Variants in WIPI1 observed in about 807,000 individuals in gnomAD.
The protein encoded by WIPI1 is WD repeat domain, phosphoinositide interacting 1.
Under a neutral mutation model 55.3 loss-of-function variants are expected in WIPI1, and 45 were observed. The observed-to-expected ratio is 0.81, with a 90% confidence interval of 0.64 to 1.04. The LOEUF (loss-of-function observed/expected upper bound fraction) is 1.04. Ranked by LOEUF, WIPI1 falls within the 50% of genes least tolerant of loss-of-function variation. The pLI is 0.00. For missense variants in WIPI1, 445 were observed against 559.0 expected (o/e 0.80, Z 2.06); for synonymous variants, 195 against 217.6 (o/e 0.90, Z 0.92).
At chr17:68,443,786 G>A (rs967627996) in intron 4 of WIPI1, among the ~76,000 whole-genome samples, 5 of 152,210 alleles carry the variant, frequency 3.3e-5, no homozygotes, top group Non-Finnish European at 7.3e-5. Flanking sequence ...AATATAATCT[G>A]CAAATATTAA....
At chr17:68,441,602 T>C (rs1314881294) in intron 4 of WIPI1, among the ~76,000 whole-genome samples, 1 of 152,182 alleles carries the variant, frequency 6.6e-6, no homozygotes, top group Non-Finnish European at 1.5e-5. Flanking sequence ...GACCTGGTCA[T>C]GTCACTGAAG....
At position 68,426,253 on chromosome 17, in the gene WIPI1, G is replaced by GGGGGGGGGGGGT; in HGVS notation, c.1193-79_1193-78insACCCCCCCCCCC. 7.1e-6 allele frequency: 6 copies of GGGGGGGGGGGGT among 841,014 alleles called. 1 individual carries two copies. The highest frequency in any genetic ancestry group is 3.4e-5 in the East Asian group (1 of 29,608). The allele number at this position is 841,014 out of a possible 1,614,324, so 52.1% of individuals were successfully genotyped here. A position where few individuals can be genotyped will look rare whatever the true frequency, so the allele number is the denominator to read the frequency against. ...CATGACCTGGCGGGTGGGGAGCGGG[G>GGGGGGGGGGGGT]GCTCAAATAAAGGGCAAAGGAAGCA... On this transcript the variant is annotated intron_variant, in intron 11 of 12. Coordinates refer to ENST00000262139, the MANE Select transcript of WIPI1 (RefSeq NM_017983.7).
intron 1 of WIPI1, 67 bp from the exon 2 acceptor site, chr17:68,453,059 G>A: frequency 7.4e-7 from 1 of 1,352,298 alleles, no homozygotes; most frequent in Non-Finnish European, 1.1e-6. Flanking sequence ...TCTGCAAATA[G>A]ATGCCTTTTG....
Position 68,430,114 on chromosome 17 carries a change from A to C in WIPI1, c.847T>G (p.Phe283Val), listed in dbSNP as rs191306252. The part of the protein sequence containing the change: ...STWSGYMGKM[F>V]MAATNYLPTQ... ...GGGAGGTAGTTGGTAGCAGCCATAA[A>C]CATCTTTCCCATGTAGCCACTCCAG... is the stretch of plus-strand genomic sequence containing the variant. The change falls in exon 9 of 13, where the codon TTT (phenylalanine) becomes GTT (valine). Residue 283 changes from phenylalanine (F) to valine (V), a missense_variant. By Grantham distance (50) the Phe-to-Val change is conservative. Coordinates refer to ENST00000262139, the MANE Select transcript of WIPI1 (RefSeq NM_017983.7). 2 of 1,614,016 alleles carry C rather than the reference A, an allele frequency of 1.2e-6. No homozygotes were observed. Among genetic ancestry groups the C allele is most frequent in the Admixed American group, 3.3e-5 (2 of 59,992 alleles).
In WIPI1 at chr17:68,436,442, G is replaced by C; in HGVS notation, c.468C>G (p.Tyr156Ter). The C allele has an allele frequency of 6.2e-7, 1 of 1,614,058 alleles. No homozygotes were observed. The highest frequency in any genetic ancestry group is 8.5e-7 in the Non-Finnish European group (1 of 1,179,976). Residue 156 changes from tyrosine to a stop codon, truncating the protein, a stop_gained, in exon 5 of 13, where the codon TAC (tyrosine) becomes TAG (stop). Transcript: ENST00000262139. LOFTEE classifies it high-confidence loss of function. ...CALSINHSNS[Y>*]LAYPGSLTSG... ...AAGTCAGGCTTCCAGGATAGGCCAG[G>C]TAAGAATTGGAATGGTTGATAGAGA...
At chr17:68,434,273 G>C (rs993972965) in intron 7 of WIPI1, among the ~76,000 whole-genome samples, 2 of 152,136 alleles carry the variant, frequency 1.3e-5, no homozygotes, top group African/African-American at 2.4e-5. Flanking sequence ...AATTATTTTT[G>C]GATTGTGACT....
At chr17:68,437,014 A>ATGTGTGTGTGTGTGTGTGTGTGTG (rs1181984378) in intron 4 of WIPI1, among the ~76,000 whole-genome samples, 1 of 82,090 alleles carries the variant, frequency 1.2e-5, no homozygotes, top group East Asian at 2.4e-4. Flanking sequence ...AAATATATAT[A>ATGTGTGTGTGTGTGTGTGTGTGTG]TATGTGTGTG....
chr17:68,443,122 G>GT (rs1049553126), intron 4 of WIPI1, among the ~76,000 whole-genome samples: 9 of 151,990 alleles, frequency 5.9e-5, no homozygotes, highest in Non-Finnish European at 1.3e-4. Context: ...TTTATTCATT[G>GT]TTTTTTGAGA....
intron 8 of WIPI1, among the ~76,000 whole-genome samples, chr17:68,431,657 G>A (rs1161198594): frequency 2.0e-5 from 3 of 152,282 alleles, no homozygotes; most frequent in Admixed American, 1.3e-4. Context: ...TAAGAGTAAC[G>A]GCTGGACCAG....
rs113404581 is a variant in WIPI1 at position 68,456,583 on chromosome 17, CA to C, written c.80+758del. 6.4e-4 allele frequency among the ~76,000 whole-genome samples: 97 copies of C among 152,310 alleles called. 2 individuals carry two copies. Among genetic ancestry groups the C allele is most frequent in the African/African-American group, 2.1e-3 (89 of 41,554 alleles). ...TTCAGCCCAGCTCCCTCTCAAAGCCCAAATGTGAACATCGAAGTAAAACATT... is the reference window on the plus strand; with the variant it reads ...TTCAGCCCAGCTCCCTCTCAAAGCCCAATGTGAACATCGAAGTAAAACATT... On this transcript the variant is annotated intron_variant, in intron 1 of 12. Transcript: ENST00000262139.
chr17:68,450,969 TG>T, intron 2 of WIPI1, 72 bp from the exon 3 acceptor site: 2 of 1,539,006 alleles, frequency 1.3e-6, no homozygotes, highest in Non-Finnish European at 1.7e-6. Flanking sequence ...TCCATGACAC[TG>T]GGCCCGGCGC....
At chr17:68,435,075 C>T (rs1187803243) in intron 6 of WIPI1, among the ~76,000 whole-genome samples, 6 of 152,088 alleles carry the variant, frequency 3.9e-5, no homozygotes, top group African/African-American at 1.4e-4. Context: ...GGCGTGGCAG[C>T]ATGTGCCTGT....
At chr17:68,455,517 C>T (rs1053598610) in intron 1 of WIPI1, among the ~76,000 whole-genome samples, 14 of 152,182 alleles carry the variant, frequency 9.2e-5, no homozygotes, top group African/African-American at 3.4e-4. Flanking sequence ...AAAGACATGG[C>T]AATACACCTA....
chr17:68,449,613 T>C (rs948418086), intron 3 of WIPI1, among the ~76,000 whole-genome samples: 3 of 152,174 alleles, frequency 2.0e-5, no homozygotes, highest in Non-Finnish European at 4.4e-5. Context: ...TAGTGGGTAG[T>C]ACCCCCCACC....
intron 12 of WIPI1, 50 bp downstream of exon 12, chr17:68,426,025 C>T: frequency 1.3e-6 from 2 of 1,508,140 alleles, no homozygotes; most frequent in South Asian, 2.2e-5. Context: ...CGAAGGTTTC[C>T]TTCTAAGCAC....
chr17:68,426,242 T>TGGGGGGGGG lies in WIPI1; in HGVS notation c.1193-68_1193-67insCCCCCCCCC, dbSNP rs754701731. 2.8e-4 allele frequency: 189 copies of TGGGGGGGGG among 682,702 alleles called. 43 individuals are homozygous for TGGGGGGGGG. Among genetic ancestry groups the TGGGGGGGGG allele is most frequent in the Admixed American group, 7.5e-4 (19 of 25,178 alleles). The allele number at this position is 682,702 out of a possible 1,614,324, so 42.3% of individuals were successfully genotyped here. ...TGCTTTTATGCCATGACCTGGCGGGTGGGGAGCGGGGGCTCAAATAAAGGG... is the reference window on the plus strand; with the variant it reads ...TGCTTTTATGCCATGACCTGGCGGGTGGGGGGGGGGGGGAGCGGGGGCTCAAATAAAGGG... On this transcript the variant is annotated intron_variant, in intron 11 of 12. Transcript: ENST00000262139.
Position 68,436,366 on chromosome 17 carries a change from G to C in WIPI1, c.528+16C>G. The C allele has an allele frequency of 6.2e-7, 1 of 1,612,482 alleles. No homozygotes were observed. The highest frequency in any genetic ancestry group is 8.5e-7 in the Non-Finnish European group (1 of 1,178,554). On this transcript the variant is annotated intron_variant, in intron 5 of 12. Transcript: ENST00000262139. ...AAGGCAGGTGGGTTGGCTCAGCCAG[G>C]TCACCGTCAACTTACCAGGGAGTTT...
chr17:68,441,973 G>A (rs896019756), intron 4 of WIPI1, among the ~76,000 whole-genome samples: 1 of 152,132 alleles, frequency 6.6e-6, no homozygotes, highest in African/African-American at 2.4e-5. Context: ...TGAGACAGAG[G>A]AAGTCTCTGC....
At chr17:68,443,767 C>A (rs2084175083) in intron 4 of WIPI1, among the ~76,000 whole-genome samples, 1 of 152,126 alleles carries the variant, frequency 6.6e-6, no homozygotes, top group Non-Finnish European at 1.5e-5. Context: ...TTCAATGATA[C>A]CAAACTGAAA....
Sources: allele counts gnomAD v4.1 joint callset (sites outside exome capture counted in the v4.1 genomes callset), GRCh38; gene constraint gnomAD v4.1.1; transcripts MANE v1.5; gene names NCBI Gene and HGNC (gene_info 2026-07-23, HGNC 2026-07-21).